CNTN5: variants seen among roughly 807,000 people sequenced by gnomAD.
CNTN5 encodes the protein contactin-5.
A neutral mutation model predicts 129.1 loss-of-function variants in CNTN5; 77 were observed. The ratio of observed to expected loss-of-function variants is 0.60; its 90% CI spans 0.50 to 0.72. The LOEUF is 0.72. CNTN5 is among the 30% of genes least tolerant of loss of function. The pLI is 0.00. For synonymous variants in CNTN5, 509 were observed against 465.6 expected, an observed-to-expected ratio of 1.09 and a Z score of -1.20; for missense variants, 1,478 against 1,328.8, an observed-to-expected ratio of 1.11 and a Z score of -1.75.
At chr11:99,353,748 A>T (rs1267047778) in intron 2 of CNTN5, among the ~76,000 whole-genome samples, 1 of 152,176 alleles carries the variant, frequency 6.6e-6, no homozygotes, top group Non-Finnish European at 1.5e-5. Flanking sequence ...TCTGCTGTGC[A>T]TCCTGATTGT....
chr11:99,243,249 T>C lies in CNTN5; in HGVS notation c.-209-82097T>C, dbSNP rs185974964. ...AATTAGTGATATGGAACATTTTTTC[T>C]TATATTTGTTGATCACTTATATGAC... On this transcript the variant is annotated intron_variant, in intron 1 of 24. Coordinates refer to ENST00000524871, the MANE Select transcript of CNTN5 (RefSeq NM_014361.4). Among the ~76,000 whole-genome samples the C allele has an allele frequency of 5.9e-5, 9 of 152,216 alleles. No homozygotes were observed. The East Asian group carries it at 1.3e-3, about 23-fold the overall frequency.
intron 1 of CNTN5, among the ~76,000 whole-genome samples, chr11:99,205,163 G>GCAAA (rs899966703): frequency 2.0e-5 from 2 of 100,232 alleles, no homozygotes; most frequent in African/African-American, 4.0e-5. Context: ...AACTCAATAA[G>GCAAA]CAAACAAACA....
At chr11:99,331,167 G>T (rs1865984528) in intron 2 of CNTN5, among the ~76,000 whole-genome samples, 1 of 151,998 alleles carries the variant, frequency 6.6e-6, no homozygotes, top group Admixed American at 6.6e-5. Flanking sequence ...TTGGGGACAG[G>T]GTAGAGCCTT....
At chr11:100,235,527 A>G (rs1469628319) in intron 16 of CNTN5, among the ~76,000 whole-genome samples, 1 of 152,110 alleles carries the variant, frequency 6.6e-6, no homozygotes, top group Non-Finnish European at 1.5e-5. Flanking sequence ...TCTTCCGTGT[A>G]GAGCAGGGCC....
chr11:100,239,455 A>C, intron 16 of CNTN5, among the ~76,000 whole-genome samples: 1 of 152,180 alleles, frequency 6.6e-6, no homozygotes, highest in East Asian at 1.9e-4. Context: ...AGAAATAAAT[A>C]TTTATTATAA....
chr11:99,180,855 T>A lies in CNTN5; in HGVS notation c.-209-144491T>A, dbSNP rs566211720. ...GCAAGGAGAGTCATATTGTGAGAAT[T>A]GCCAGTGATATACACATAAGATTCA... On this transcript the variant is annotated intron_variant, in intron 1 of 24. Transcript: ENST00000524871. Among the ~76,000 whole-genome samples the A allele has an allele frequency of 2.6e-5, 4 of 152,278 alleles. No individual in the cohort carries two copies. In the East Asian group the frequency reaches 7.7e-4, roughly 29 times the overall value.
intron 13 of CNTN5, among the ~76,000 whole-genome samples, chr11:100,080,236 T>G (rs1244255182): frequency 6.6e-6 from 1 of 152,122 alleles, no homozygotes; most frequent in Non-Finnish European, 1.5e-5. Flanking sequence ...TTCAAACTGG[T>G]GCTTAAGAAA....
chr11:99,593,699 A>G (rs142126948), intron 3 of CNTN5, among the ~76,000 whole-genome samples: 3 of 152,330 alleles, frequency 2.0e-5, no homozygotes, highest in Admixed American at 1.3e-4. Flanking sequence ...CTTCCCATCA[A>G]CAAAATCCCA....
At chr11:99,898,625 A>G (rs1384329903) in intron 6 of CNTN5, among the ~76,000 whole-genome samples, 1 of 152,072 alleles carries the variant, frequency 6.6e-6, no homozygotes, top group Non-Finnish European at 1.5e-5. Flanking sequence ...TTTGAAGAAC[A>G]CTAATTGTTT....
intron 3 of CNTN5, among the ~76,000 whole-genome samples, chr11:99,761,421 C>CT (rs1944577747): frequency 6.6e-6 from 1 of 152,102 alleles, no homozygotes; most frequent in Admixed American, 6.5e-5. Context: ...CCCCCTCCCA[C>CT]CACCCCACAA....
chr11:99,127,296 A>G (rs1333498255), intron 1 of CNTN5, among the ~76,000 whole-genome samples: 4 of 152,156 alleles, frequency 2.6e-5, no homozygotes, highest in South Asian at 2.1e-4. Flanking sequence ...TCTGTCTTCA[A>G]TGTCATAAAT....
At chr11:99,466,006 C>T (rs907031555) in intron 2 of CNTN5, among the ~76,000 whole-genome samples, 1 of 151,918 alleles carries the variant, frequency 6.6e-6, no homozygotes, top group African/African-American at 2.4e-5. Flanking sequence ...CTCAGCCTCC[C>T]GAGTAGCTGG....
intron 3 of CNTN5, among the ~76,000 whole-genome samples, chr11:99,614,419 G>T (rs1950694314): frequency 6.6e-6 from 1 of 152,096 alleles, no homozygotes; most frequent in African/African-American, 2.4e-5. Flanking sequence ...GTGGAGGGAT[G>T]GTGGGAGCCA....
At chr11:99,639,676 T>G (rs1951698223) in intron 3 of CNTN5, among the ~76,000 whole-genome samples, 1 of 140,444 alleles carries the variant, frequency 7.1e-6, no homozygotes, top group Admixed American at 8.0e-5. Context: ...GCGATTCCCC[T>G]GCCTCAGCCT....
intron 16 of CNTN5, among the ~76,000 whole-genome samples, chr11:100,228,195 G>T (rs185901551): frequency 6.6e-6 from 1 of 152,260 alleles, no homozygotes. Context: ...AGTAGGTCAA[G>T]AAACTTTGGG....
At chr11:99,365,916 G>T (rs990540076) in intron 2 of CNTN5, among the ~76,000 whole-genome samples, 3 of 152,078 alleles carry the variant, frequency 2.0e-5, no homozygotes, top group Non-Finnish European at 4.4e-5. Flanking sequence ...TACTTTTCTG[G>T]TGATGTGTTA....
intron 2 of CNTN5, among the ~76,000 whole-genome samples, chr11:99,484,842 AAAC>A (rs1236409708): frequency 2.0e-5 from 3 of 152,200 alleles, no homozygotes; most frequent in Non-Finnish European, 4.4e-5. Context: ...AAACACATAC[AAAC>A]AACAACAACA....
At chr11:99,617,498 A>G (rs1368234165) in intron 3 of CNTN5, among the ~76,000 whole-genome samples, 2 of 152,220 alleles carry the variant, frequency 1.3e-5, no homozygotes, top group South Asian at 2.1e-4. Flanking sequence ...ATATTAGTCC[A>G]TAGAAAAGTG....
Position 99,792,134 on chromosome 11 carries a change from T to C in CNTN5, c.56-27410T>C, listed in dbSNP as rs550118993. ...GCTTTGGCCAGGATCTCCAATACTA[T>C]GTTTAATAGGAATGGTGAAAATGGT... On this transcript the variant is annotated intron_variant, in intron 3 of 24. Transcript: ENST00000524871. Among the ~76,000 whole-genome samples, 4 of 152,238 alleles carry C rather than the reference T, an allele frequency of 2.6e-5. No individual in the cohort carries two copies. The South Asian group carries it at 8.3e-4, about 32-fold the overall frequency.
Sources: allele counts gnomAD v4.1 joint callset (sites outside exome capture counted in the v4.1 genomes callset), GRCh38; gene constraint gnomAD v4.1.1; transcripts MANE v1.5; gene names NCBI Gene and HGNC (gene_info 2026-07-23, HGNC 2026-07-21).